RNF216: variants seen among roughly 807,000 people sequenced by gnomAD.
RNF216 encodes the protein E3 ubiquitin-protein ligase RNF216.
RNF216 carries 72 observed loss-of-function variants against 110.8 expected under a neutral mutation model. The observed-to-expected ratio is 0.65, with a 90% CI of 0.54 to 0.79. RNF216 has a LOEUF of 0.79. Among genes scored for constraint, RNF216 ranks in the 30% least tolerant of loss-of-function variants. RNF216 has a pLI of 0.00. For synonymous variants in RNF216, 495 were observed against 407.5 expected (o/e 1.21, Z -2.59); for missense variants, 1,342 against 1,141.2 (o/e 1.18, Z -2.54).
rs1246726263 is a variant in RNF216, at chr7:5,622,791, G to C, written c.*69C>G. 2 of 1,440,338 alleles carry C rather than the reference G, an allele frequency of 1.4e-6. No individual in the cohort carries two copies. Among genetic ancestry groups the C allele is most frequent in the Admixed American group, 3.8e-5 (2 of 53,218 alleles). The allele number at this position is 1,440,338 out of a possible 1,614,324, so 89.2% of individuals were successfully genotyped here. On this transcript the variant is annotated 3_prime_UTR_variant, in exon 17 of 17. Coordinates refer to ENST00000389902, the MANE Select transcript of RNF216 (RefSeq NM_207111.4). ...TGCAATGGTACAGACACCAGCCTTG[G>C]GGGAGGGTTCTCCATCCACACTCCT...
intron 13 of RNF216, among the ~76,000 whole-genome samples, chr7:5,665,943 A>T (rs1789482780): frequency 6.6e-6 from 1 of 152,142 alleles, no homozygotes; most frequent in South Asian, 2.1e-4. Flanking sequence ...AGACAGGCGG[A>T]TCCCGAGGTC....
At chr7:5,645,171 C>T (rs2128570920) in intron 14 of RNF216, among the ~76,000 whole-genome samples, 1 of 152,156 alleles carries the variant, frequency 6.6e-6, no homozygotes, top group African/African-American at 2.4e-5. Flanking sequence ...TTTTCTATGT[C>T]TTTGGTCTTG....
intron 3 of RNF216, among the ~76,000 whole-genome samples, chr7:5,751,967 C>T (rs539199283): frequency 3.3e-5 from 5 of 151,590 alleles, no homozygotes; most frequent in South Asian, 2.1e-4. Context: ...GGGGGCGGAT[C>T]ACGAGGTCAG....
intron 13 of RNF216, among the ~76,000 whole-genome samples, chr7:5,675,714 C>CTTTTTTTTTT (rs754444984): frequency 0.023 from 3,173 of 140,972 alleles, 101 homozygotes; most frequent in African/African-American, 0.041. Flanking sequence ...TATTCAAATT[C>CTTTTTTTTTT]TTTTTTTTTT....
At chr7:5,675,319 G>A (rs1261936655) in intron 13 of RNF216, among the ~76,000 whole-genome samples, 2 of 152,118 alleles carry the variant, frequency 1.3e-5, no homozygotes, top group East Asian at 3.9e-4. Flanking sequence ...AGGCTTTCCT[G>A]GGCCATATCC....
intron 12 of RNF216, 31 bp downstream of exon 12, chr7:5,712,684 G>A (rs768331192): frequency 5.0e-5 from 81 of 1,612,264 alleles, no homozygotes; most frequent in Non-Finnish European, 6.9e-5. Flanking sequence ...GGGAAGAGTT[G>A]GCAGATGGCA....
At chr7:5,661,383 A>G (rs1286986078) in intron 13 of RNF216, among the ~76,000 whole-genome samples, 1 of 152,190 alleles carries the variant, frequency 6.6e-6, no homozygotes, top group Admixed American at 6.5e-5. Flanking sequence ...GTTTTTTGTT[A>G]AAGAAATAAA....
chr7:5,642,127 G>A (rs1030969988), intron 14 of RNF216, among the ~76,000 whole-genome samples: 9 of 151,178 alleles, frequency 6.0e-5, no homozygotes, highest in African/African-American at 1.5e-4. Context: ...ACCTTAATGA[G>A]TCACCTCTGT....
intron 3 of RNF216, 63 bp from the exon 4 acceptor site, chr7:5,741,878 T>C (rs771302227): frequency 1.7e-5 from 26 of 1,509,164 alleles, no homozygotes; most frequent in Non-Finnish European, 2.0e-5. Context: ...CCTTATGTAC[T>C]TATATTGAGC....
At chr7:5,740,104 C>CTTTTTTTTT (rs71004698) in intron 4 of RNF216, among the ~76,000 whole-genome samples, 22 of 118,500 alleles carry the variant, frequency 1.9e-4, no homozygotes, top group Non-Finnish European at 2.6e-4. Flanking sequence ...GATGTAACAC[C>CTTTTTTTTT]TTTTTTTTTT....
chr7:5,765,677 T>C (rs1040293315), intron 1 of RNF216, among the ~76,000 whole-genome samples: 23 of 150,782 alleles, frequency 1.5e-4, no homozygotes, highest in African/African-American at 5.6e-4. Context: ...GCATGGTGGC[T>C]CACACCTGTA....
chr7:5,751,585 A>G (rs547673386), intron 3 of RNF216, among the ~76,000 whole-genome samples: 88 of 152,244 alleles, frequency 5.8e-4, no homozygotes, highest in South Asian at 2.3e-3. Flanking sequence ...ATTCTTACAC[A>G]GGAAAGGTGG....
chr7:5,654,848 A>G (rs1788633058), intron 13 of RNF216, among the ~76,000 whole-genome samples: 1 of 152,074 alleles, frequency 6.6e-6, no homozygotes, highest in South Asian at 2.1e-4. Flanking sequence ...AAGGTGATAT[A>G]TATTAGGGTG....
intron 8 of RNF216, among the ~76,000 whole-genome samples, chr7:5,723,457 C>T (rs1036587320): frequency 2.6e-5 from 4 of 151,910 alleles, no homozygotes; most frequent in Non-Finnish European, 4.4e-5. Flanking sequence ...ACCATCCTGG[C>T]TAACATGGTG....
At chr7:5,768,426 G>A (rs921183747) in intron 1 of RNF216, among the ~76,000 whole-genome samples, 2 of 120,530 alleles carry the variant, frequency 1.7e-5, no homozygotes, top group Non-Finnish European at 3.4e-5. Context: ...GAAGCAAGAT[G>A]AACCCACTTA....
chr7:5,641,852 T>A (rs773779084), intron 14 of RNF216, among the ~76,000 whole-genome samples: 8 of 151,674 alleles, frequency 5.3e-5, no homozygotes, highest in Non-Finnish European at 1.0e-4. Context: ...CTGACCAACA[T>A]GGTGAAACTG....
intron 11 of RNF216, among the ~76,000 whole-genome samples, chr7:5,714,310 G>A (rs754262319): frequency 6.6e-6 from 1 of 151,640 alleles, no homozygotes; most frequent in Non-Finnish European, 1.5e-5. Flanking sequence ...CCAGGCTGGA[G>A]TGCAATGGCA....
intron 7 of RNF216, among the ~76,000 whole-genome samples, chr7:5,728,317 T>C (rs377403342): frequency 2.0e-5 from 3 of 151,962 alleles, no homozygotes; most frequent in Non-Finnish European, 4.4e-5. Flanking sequence ...CGGTGGCTCA[T>C]GTAGGTAATC....
intron 13 of RNF216, among the ~76,000 whole-genome samples, chr7:5,667,137 C>CTA: frequency 6.6e-6 from 1 of 152,240 alleles, no homozygotes; most frequent in African/African-American, 2.4e-5. Flanking sequence ...AACTGTGGCC[C>CTA]TATGGTGGGT....
Sources: allele counts gnomAD v4.1 joint callset (sites outside exome capture counted in the v4.1 genomes callset), GRCh38; gene constraint gnomAD v4.1.1; transcripts MANE v1.5; gene names NCBI Gene and HGNC (gene_info 2026-07-23, HGNC 2026-07-21).